WDPCP: variants seen among roughly 807,000 people sequenced by gnomAD.
WDPCP encodes the protein WD repeat-containing and planar cell polarity effector protein fritz homolog.
In WDPCP, 71 loss-of-function variants were observed where a neutral mutation model predicts 93.1. The ratio of observed to expected loss-of-function variants is 0.76; its 90% CI spans 0.63 to 0.93. WDPCP has a LOEUF of 0.93. WDPCP is among the 40% of genes least tolerant of loss of function. WDPCP has a pLI of 0.00. For synonymous variants in WDPCP, 315 were observed against 315.0 expected, an observed-to-expected ratio of 1.00 and a Z score of 0.00; for missense variants, 844 against 887.4, an observed-to-expected ratio of 0.95 and a Z score of 0.62.
chr2:63,166,045 A>C (rs1393877217), intron 15 of WDPCP, among the ~76,000 whole-genome samples: 1 of 150,532 alleles, frequency 6.6e-6, no homozygotes, highest in Non-Finnish European at 1.5e-5. Flanking sequence ...TTGCTTTGTA[A>C]ATTTCTTTTT....
chr2:63,577,069 G>C (rs533652272), intron 1 of WDPCP, among the ~76,000 whole-genome samples: 8 of 152,228 alleles, frequency 5.3e-5, no homozygotes, highest in South Asian at 2.1e-4. Context: ...TTGCAATCAA[G>C]AAGTTCTAGT....
chr2:63,301,194 G>A (rs773648620), intron 13 of WDPCP, among the ~76,000 whole-genome samples: 3 of 152,120 alleles, frequency 2.0e-5, no homozygotes, highest in African/African-American at 4.8e-5. Context: ...TGGAAACCAG[G>A]CTTTCTGCTG....
At chr2:63,827,138 A>C (rs923078411) in intron 1 of WDPCP, among the ~76,000 whole-genome samples, 2 of 152,108 alleles carry the variant, frequency 1.3e-5, no homozygotes, top group African/African-American at 4.8e-5. Flanking sequence ...ATTTGTTAAA[A>C]TTCCTTCAAT....
chr2:63,236,982 C>T (rs940954804), intron 14 of WDPCP, among the ~76,000 whole-genome samples: 4 of 151,684 alleles, frequency 2.6e-5, no homozygotes, highest in Admixed American at 6.6e-5. Flanking sequence ...AATGAAATAT[C>T]GGGACCTGCT....
At chr2:63,388,701 T>C (rs962649893) in intron 10 of WDPCP, among the ~76,000 whole-genome samples, 12 of 152,074 alleles carry the variant, frequency 7.9e-5, no homozygotes, top group African/African-American at 2.9e-4. Flanking sequence ...GAGAAGAACA[T>C]AAATGACCTG....
At chr2:63,522,812 G>A (rs1054453992) in intron 1 of WDPCP, among the ~76,000 whole-genome samples, 3 of 152,120 alleles carry the variant, frequency 2.0e-5, no homozygotes, top group Non-Finnish European at 4.4e-5. Flanking sequence ...AATTGAATCA[G>A]TAATAAAAAA....
intron 12 of WDPCP, among the ~76,000 whole-genome samples, chr2:63,346,462 G>T (rs774715391): frequency 3.2e-4 from 48 of 152,182 alleles, no homozygotes; most frequent in Non-Finnish European, 6.3e-4. Flanking sequence ...CAACAAAATA[G>T]ACCAGCAGCC....
At chr2:63,697,504 A>G (rs1015339382) in intron 2 of WDPCP, among the ~76,000 whole-genome samples, 1 of 152,226 alleles carries the variant, frequency 6.6e-6, no homozygotes, top group Non-Finnish European at 1.5e-5. Context: ...AGCACTAAAA[A>G]ATCGTATGAT....
rs147311096 is a variant in WDPCP at position 63,515,816 on chromosome 2, T to C, written c.76-22876A>G. Among the ~76,000 whole-genome samples, 783 of 152,242 alleles carry C rather than the reference T, an allele frequency of 5.1e-3. 16 individuals carry two copies. Among genetic ancestry groups the C allele is most frequent in the African/African-American group, 0.017 (725 of 41,524 alleles). ...AGGCAGATCACTTGAGGCCAGGAGT[T>C]CGAGACCAGCCTGGTCAACATGGTG... is the stretch of plus-strand genomic sequence containing the variant. On this transcript the variant is annotated intron_variant, in intron 1 of 17. Coordinates refer to ENST00000272321, the MANE Select transcript of WDPCP (RefSeq NM_015910.7).
chr2:63,483,228 A>C (rs1700372129), intron 6 of WDPCP, among the ~76,000 whole-genome samples: 1 of 151,862 alleles, frequency 6.6e-6, no homozygotes, highest in Non-Finnish European at 1.5e-5. Flanking sequence ...AATAATTCTG[A>C]GCCTGTTTTT....
chr2:63,666,447 A>T (rs1710284059), intron 2 of WDPCP, among the ~76,000 whole-genome samples: 1 of 152,214 alleles, frequency 6.6e-6, no homozygotes, highest in South Asian at 2.1e-4. Flanking sequence ...GACTGAGAAC[A>T]TGGAATTGGT....
chr2:63,353,847 C>T (rs1476126478), intron 12 of WDPCP, among the ~76,000 whole-genome samples: 1 of 152,144 alleles, frequency 6.6e-6, no homozygotes, highest in Non-Finnish European at 1.5e-5. Context: ...GGGACGGGAG[C>T]AGGCCCCCAG....
At chr2:63,809,879 CT>C (rs200019857) in intron 2 of WDPCP, among the ~76,000 whole-genome samples, 1,566 of 151,924 alleles carry the variant, frequency 0.01, 10 homozygotes, top group South Asian at 0.021. Flanking sequence ...CCAAATCCCC[CT>C]CTGTGAGAAA....
intron 9 of WDPCP, among the ~76,000 whole-genome samples, chr2:63,424,513 C>A (rs1387379224): frequency 6.6e-6 from 1 of 152,166 alleles, no homozygotes; most frequent in East Asian, 1.9e-4. Flanking sequence ...CACTGCCCAG[C>A]CTGAGTGCTT....
chr2:63,608,372 G>GT (rs1415623738), intron 3 of WDPCP, among the ~76,000 whole-genome samples: 1 of 152,008 alleles, frequency 6.6e-6, no homozygotes, highest in East Asian at 1.9e-4. Context: ...AAATAGTGGA[G>GT]TTTTTTTAAT....
intron 14 of WDPCP, among the ~76,000 whole-genome samples, chr2:63,197,729 GTCTT>G (rs1250162348): frequency 2.6e-5 from 4 of 152,098 alleles, no homozygotes; most frequent in Non-Finnish European, 4.4e-5. Flanking sequence ...TGCAATATTT[GTCTT>G]TCTGTGTTTG....
At chr2:63,723,987 C>T (rs1267411619) in intron 2 of WDPCP, among the ~76,000 whole-genome samples, 1 of 152,198 alleles carries the variant, frequency 6.6e-6, no homozygotes, top group African/African-American at 2.4e-5. Flanking sequence ...TTCAGATTTG[C>T]TACCTAAGTT....
Position 63,121,956 on chromosome 2 carries a change from C to A in WDPCP, c.*50G>T. ...CGGGGGATTTTAAGTCTGTATCAGG[C>A]CATGAAAAGTTTAGATATGAAGAAG... On this transcript the variant is annotated 3_prime_UTR_variant, in exon 18 of 18. Coordinates refer to ENST00000272321, the MANE Select transcript of WDPCP (RefSeq NM_015910.7). 1 of 1,611,372 alleles carries A rather than the reference C, an allele frequency of 6.2e-7. No individual in the cohort carries two copies. The highest frequency in any genetic ancestry group is 8.5e-7 in the Non-Finnish European group (1 of 1,179,118).
chr2:63,499,946 C>T (rs538801616), intron 1 of WDPCP, among the ~76,000 whole-genome samples: 5 of 152,336 alleles, frequency 3.3e-5, no homozygotes, highest in South Asian at 4.1e-4. Flanking sequence ...TCCTGTTTTA[C>T]TTCTGCCTTG....
Sources: gnomAD v4.1 joint callset for allele counts (sites outside exome capture counted in the v4.1 genomes callset) on GRCh38, gnomAD v4.1.1 for gene constraint, MANE v1.5 for transcripts, NCBI Gene and HGNC (gene_info 2026-07-23, HGNC 2026-07-21) for gene names.